CELSR1: variants seen among roughly 807,000 people sequenced by gnomAD.
CELSR1 encodes the protein cadherin EGF LAG seven-pass G-type receptor 1, also known as adhesion G protein-coupled receptor C1.
Under a neutral mutation model 249.1 loss-of-function variants are expected in CELSR1, and 110 were observed. The observed-to-expected ratio is 0.44, with a 90% CI of 0.38 to 0.52. The LOEUF (loss-of-function observed/expected upper bound fraction) is 0.52, where lower values mean the gene tolerates loss of function less well. Ranked by LOEUF, CELSR1 falls within the 20% of genes least tolerant of loss-of-function variation. CELSR1 has a pLI of 0.00. For missense variants in CELSR1, 4,109 were observed against 4,296.4 expected (o/e 0.96, Z 1.22); for synonymous variants, 2,113 against 1,900.0 (o/e 1.11, Z -2.92).
At chr22:46,443,663 AC>A (rs2079782064) in intron 2 of CELSR1, among the ~76,000 whole-genome samples, 1 of 152,034 alleles carries the variant, frequency 6.6e-6, no homozygotes, top group South Asian at 2.1e-4. Context: ...ACCTGTTCAC[AC>A]ACACACACAT....
Position 46,378,639 on chromosome 22 carries a change from G to A in CELSR1, c.7335C>T (p.Cys2445=), listed in dbSNP as rs1453126230. Residue 2445 remains cysteine (C), a synonymous_variant, in exon 23 of 35, where the codon TGC becomes TGT. Transcript: ENST00000674500. The part of the protein sequence containing the change: ...SRNRTHVACQ[C]SHTASFAVLM... ...GCACCGCAAAGCTGGCTGTGTGGCT[G>A]CACTGGCAGGCGACATGTGTCCGGT... The A allele has an allele frequency of 6.2e-6, 10 of 1,604,192 alleles. No homozygotes were observed. The highest frequency in any genetic ancestry group is 7.6e-6 in the Non-Finnish European group (9 of 1,176,794).
intron 2 of CELSR1, among the ~76,000 whole-genome samples, chr22:46,457,896 C>G (rs745851692): frequency 3.9e-5 from 6 of 152,230 alleles, no homozygotes; most frequent in Non-Finnish European, 8.8e-5. Context: ...CTGACCACAA[C>G]ACAGAATGAG....
At chr22:46,470,301 G>A (rs187944641) in intron 1 of CELSR1, among the ~76,000 whole-genome samples, 48 of 151,898 alleles carry the variant, frequency 3.2e-4, no homozygotes, top group Non-Finnish European at 6.3e-4. Context: ...ATTGATTAAT[G>A]TTTGGGTCTG....
At chr22:46,442,765 C>T (rs546628300) in intron 2 of CELSR1, among the ~76,000 whole-genome samples, 1 of 152,284 alleles carries the variant, frequency 6.6e-6, no homozygotes, top group African/African-American at 2.4e-5. Flanking sequence ...CCAGGCATCT[C>T]CCACTCTTCA....
chr22:46,430,988 T>A lies in CELSR1; in HGVS notation c.4611+2405A>T, dbSNP rs1012772195. On this transcript the variant is annotated intron_variant, in intron 5 of 34. Transcript: ENST00000674500. This position sits in a 1 kb window ranked among gnomAD's most constrained non-coding sequence, Gnocchi z 4.6. ...GAAGACACAGTAAAAACTGGTTGGT[T>A]TCCTCCATCAAATAACCTCAGGCAA... Among the ~76,000 whole-genome samples, 11 of 152,194 alleles carry A rather than the reference T, an allele frequency of 7.2e-5. No individual in the cohort carries two copies. The highest frequency in any genetic ancestry group is 1.5e-4 in the Non-Finnish European group (10 of 68,028).
intron 26 of CELSR1, 24 bp downstream of exon 26, chr22:46,369,668 C>T (rs899152527): frequency 1.3e-6 from 2 of 1,598,906 alleles, no homozygotes; most frequent in Non-Finnish European, 1.7e-6. Flanking sequence ...GGCACCCGGA[C>T]TCCCGTGAAG....
At chr22:46,460,211 A>ACACACACCCCCCC (rs773925316) in intron 2 of CELSR1, among the ~76,000 whole-genome samples, 2 of 148,870 alleles carry the variant, frequency 1.3e-5, no homozygotes, top group African/African-American at 5.0e-5. Context: ...ACACACACAC[A>ACACACACCCCCCC]CACACCCATT....
chr22:46,396,779 A>G lies in CELSR1; in HGVS notation c.5702-33T>C. On this transcript the variant is annotated intron_variant, in intron 12 of 34. Coordinates refer to ENST00000674500, the MANE Select transcript of CELSR1 (RefSeq NM_001378328.1). The surrounding 1 kb of genome is among the most constrained non-coding windows in gnomAD (Gnocchi z 6.4). Reference sequence around the variant, plus strand: ...GACAGAGCCAGCATTACCTCCACCCACAATCCACGAGACCTTCCACGTTAA... The same window carrying G: ...GACAGAGCCAGCATTACCTCCACCCGCAATCCACGAGACCTTCCACGTTAA... 1 of 1,602,892 alleles carries G rather than the reference A, an allele frequency of 6.2e-7. No individual in the cohort carries two copies.
In CELSR1 at chr22:46,468,212, C is replaced by G. The variant is rs2080118105; in HGVS notation, c.3545-3867G>C. Among the ~76,000 whole-genome samples the G allele has an allele frequency of 6.6e-6, 1 of 151,982 alleles. No homozygotes were observed. The highest frequency in any genetic ancestry group is 6.6e-5 in the Admixed American group (1 of 15,220). On this transcript the variant is annotated intron_variant, in intron 1 of 34. Transcript: ENST00000674500. The surrounding 1 kb of genome is among the most constrained non-coding windows in gnomAD (Gnocchi z 4.5). ...ACCAGCCTGGGCGACCTGGTGAAAC[C>G]ATGTCTCTACTAAAAATACAAAAAT...
intron 27 of CELSR1, 25 bp from the exon 28 acceptor site, chr22:46,367,880 G>T: frequency 6.3e-7 from 1 of 1,597,862 alleles, no homozygotes; most frequent in East Asian, 2.2e-5. Flanking sequence ...GATCAGGCCT[G>T]TGCCCATCGC....
Position 46,399,709 on chromosome 22 carries a change from C to T in CELSR1, c.5412+8G>A, listed in dbSNP as rs759684627. The stretch of plus-strand genomic sequence containing the variant: ...CTATCCCCAGAGGAGGTGCAGGTGC[C>T]AGCTCACCTGGTCCATCCCATAGTC... On this transcript the variant is annotated splice_region_variant and intron_variant, in intron 10 of 34. Transcript: ENST00000674500. This position sits in a 1 kb window ranked among gnomAD's most constrained non-coding sequence, Gnocchi z 5.0. 12 of 1,613,518 alleles carry T rather than the reference C, an allele frequency of 7.4e-6. No individual in the cohort carries two copies.
At chr22:46,384,768 C>A (rs967926755) in intron 19 of CELSR1, 82 bp from the exon 20 acceptor site, 6 of 1,405,772 alleles carry the variant, frequency 4.3e-6, no homozygotes, top group Non-Finnish European at 5.8e-6. Context: ...CCACAACTGT[C>A]ACACTGACGC....
chr22:46,525,385 G>T (rs2080728838), intron 1 of CELSR1, among the ~76,000 whole-genome samples: 1 of 151,038 alleles, frequency 6.6e-6, no homozygotes, highest in Non-Finnish European at 1.5e-5. Flanking sequence ...GGGGACAGAG[G>T]TTGCAGTGAG....
Position 46,443,911 on chromosome 22 carries a change from C to A in CELSR1, c.4184-4500G>T, listed in dbSNP as rs2079785787. ...AATATGTGACATTTGGGAGTGTTTG[C>A]TTTCCAAGTTCCAGCCAGTGGCCAA... is the stretch of plus-strand genomic sequence containing the variant. On this transcript the variant is annotated intron_variant, in intron 2 of 34. Transcript: ENST00000674500. Among the ~76,000 whole-genome samples the A allele has an allele frequency of 2.0e-5, 3 of 152,244 alleles. No homozygotes were observed. In the South Asian group the frequency reaches 6.2e-4, roughly 32 times the overall value.
intron 24 of CELSR1, among the ~76,000 whole-genome samples, chr22:46,373,711 A>ATGGGGGAGAAGGGGGAGATGGGGGAGT (rs2078885989): frequency 7.8e-6 from 1 of 128,022 alleles, no homozygotes. Flanking sequence ...GATGGGGGAG[A>ATGGGGGAGAAGGGGGAGATGGGGGAGT]TGGGGGAGAT....
In CELSR1 at chr22:46,436,697, G is replaced by A. The variant is rs575365955; in HGVS notation, c.4407-408C>T. On this transcript the variant is annotated intron_variant, in intron 3 of 34. Coordinates refer to ENST00000674500, the MANE Select transcript of CELSR1 (RefSeq NM_001378328.1). This position sits in a 1 kb window ranked among gnomAD's most constrained non-coding sequence, Gnocchi z 5.9. ...GGGACCTGGTACCTTCCCAGGCAGG[G>A]ATGATGCTATGGAAGGACCATTCTT... Among the ~76,000 whole-genome samples, 1 of 152,200 alleles carries A rather than the reference G, an allele frequency of 6.6e-6. No homozygotes were observed. Among genetic ancestry groups the A allele is most frequent in the African/African-American group, 2.4e-5 (1 of 41,510 alleles).
At position 46,536,407 on chromosome 22, in the gene CELSR1, A is replaced by C; in HGVS notation, c.764T>G (p.Phe255Cys). 6.2e-7 allele frequency: 1 copy of C among 1,612,298 alleles called. No homozygotes were observed. Among genetic ancestry groups the C allele is most frequent in the South Asian group, 1.1e-5 (1 of 91,064 alleles). The change falls in exon 1 of 35, where the codon TTT (phenylalanine) becomes TGT (cysteine). Residue 255 changes from phenylalanine (F) to cysteine (C), a missense_variant. Physicochemically the swap from Phe to Cys is radical, Grantham distance 205. Coordinates refer to ENST00000674500, the MANE Select transcript of CELSR1 (RefSeq NM_001378328.1). ...FPMPNYQVAL[F>C]ENEPAGTLIL... is the part of the protein sequence containing the mutation. The stretch of plus-strand genomic sequence containing the variant: ...GAGGGTGCCCGCCGGTTCGTTCTCA[A>C]ACAACGCCACCTGGTAGTTGGGCAT...
At chr22:46,453,536 C>T (rs2079910590) in intron 2 of CELSR1, among the ~76,000 whole-genome samples, 3 of 152,260 alleles carry the variant, frequency 2.0e-5, no homozygotes, top group Non-Finnish European at 2.9e-5. Flanking sequence ...AACCCCACCA[C>T]ACCCAGCCCT....
rs371726004 is a variant in CELSR1 at position 46,408,782 on chromosome 22, G to C, written c.5226+214C>G. On this transcript the variant is annotated intron_variant, in intron 9 of 34. Transcript: ENST00000674500. This position sits in a 1 kb window ranked among gnomAD's most constrained non-coding sequence, Gnocchi z 4.6. ...CCGCTGAGCTCTGCTGGGCCCCAGGGTTGGCCCAGCCCCATGCTCCCTCGC... is the reference window on the plus strand; with the variant it reads ...CCGCTGAGCTCTGCTGGGCCCCAGGCTTGGCCCAGCCCCATGCTCCCTCGC... Among the ~76,000 whole-genome samples the C allele has an allele frequency of 3.7e-4, 57 of 152,348 alleles. No individual in the cohort carries two copies. In the East Asian group the frequency reaches 0.01, roughly 27 times the overall value.
Sources: gnomAD v4.1 joint callset for allele counts (sites outside exome capture counted in the v4.1 genomes callset) on GRCh38, gnomAD v4.1.1 for gene constraint, Gnocchi (gnomAD v3.1) non-coding constraint, MANE v1.5 for transcripts, NCBI Gene and HGNC (gene_info 2026-07-23, HGNC 2026-07-21) for gene names.